Variants in CLDN10 observed in about 807,000 individuals in gnomAD.
CLDN10 encodes the protein claudin 10.
A neutral mutation model predicts 22.9 loss-of-function variants in CLDN10; 15 were observed. The ratio of observed to expected loss-of-function variants is 0.65; its 90% confidence interval spans 0.44 to 1.01. The LOEUF (loss-of-function observed/expected upper bound fraction) is 1.01. Ranked by LOEUF, CLDN10 falls within the 50% of genes least tolerant of loss-of-function variation. The probability of loss-of-function intolerance (pLI) is 0.00; values close to 1 mark genes in which losing one functional copy is unlikely to be tolerated. For synonymous variants in CLDN10, 114 were observed against 111.4 expected (o/e 1.02, Z -0.15); for missense variants, 247 against 287.8 (o/e 0.86, Z 1.03).
intron 1 of CLDN10, among the ~76,000 whole-genome samples, chr13:95,526,271 CTTTG>C (rs751839923): frequency 6.6e-5 from 10 of 151,926 alleles, no homozygotes; most frequent in African/African-American, 2.2e-4. Context: ...TTACAAGTTA[CTTTG>C]TTTGTTCATT....
intron 1 of CLDN10, among the ~76,000 whole-genome samples, chr13:95,488,171 G>C (rs1189887286): frequency 2.0e-5 from 3 of 149,060 alleles, no homozygotes. Flanking sequence ...TTTTAGTAGA[G>C]ACAGGGTTTT....
At chr13:95,448,567 C>T (rs1463041571) in intron 1 of CLDN10, among the ~76,000 whole-genome samples, 2 of 152,054 alleles carry the variant, frequency 1.3e-5, no homozygotes, top group African/African-American at 2.4e-5. Context: ...GGGATGGCTG[C>T]TTACCCACAC....
intron 1 of CLDN10, among the ~76,000 whole-genome samples, chr13:95,456,181 C>A (rs1284416215): frequency 6.6e-6 from 1 of 152,190 alleles, no homozygotes; most frequent in Non-Finnish European, 1.5e-5. Flanking sequence ...CTTTTAATTT[C>A]ATATCTTGTA....
At chr13:95,442,181 CAA>C (rs2042330700) in intron 1 of CLDN10, among the ~76,000 whole-genome samples, 1 of 152,130 alleles carries the variant, frequency 6.6e-6, no homozygotes, top group South Asian at 2.1e-4. Context: ...ATAACACAGG[CAA>C]AGTGTCTTAT....
rs150460161 is a variant in CLDN10, at chr13:95,532,514, G to A, written c.215-27618G>A. Reference sequence around the variant, plus strand: ...AACATCTAACGTTGGCAAGAATGTAGAGTACCTGCAAGTTTCACACATGGT... The same window carrying A: ...AACATCTAACGTTGGCAAGAATGTAAAGTACCTGCAAGTTTCACACATGGT... On this transcript the variant is annotated intron_variant, in intron 1 of 4. Transcript: ENST00000376873. Among the ~76,000 whole-genome samples the A allele has an allele frequency of 1.5e-3, 232 of 152,202 alleles. 1 individual carries two copies. Among genetic ancestry groups the A allele is most frequent in the South Asian group, 0.015 (71 of 4,816 alleles).
Position 95,446,791 on chromosome 13 carries a change from G to A in CLDN10, c.214+12744G>A, listed in dbSNP as rs571108341. 1.7e-3 allele frequency among the ~76,000 whole-genome samples: 258 copies of A among 152,028 alleles called. 2 individuals are homozygous for A. Among genetic ancestry groups the A allele is most frequent in the African/African-American group, 6.0e-3 (249 of 41,456 alleles). Reference sequence around the variant, plus strand: ...CAGGAGGTAGAGGTTGCAGTGAACCGAGATTGTGCCACTGCACTCCAGCCT... The same window carrying A: ...CAGGAGGTAGAGGTTGCAGTGAACCAAGATTGTGCCACTGCACTCCAGCCT... On this transcript the variant is annotated intron_variant, in intron 1 of 4. Transcript: ENST00000376873.
intron 1 of CLDN10, among the ~76,000 whole-genome samples, chr13:95,469,832 A>G (rs538317117): frequency 1.3e-5 from 2 of 152,336 alleles, no homozygotes; most frequent in African/African-American, 4.8e-5. Context: ...AGTATATAAC[A>G]AGACAGGCTT....
rs1302130442 is a variant in CLDN10, at chr13:95,553,643, C to T, written c.220+670C>T. Among the ~76,000 whole-genome samples the T allele has an allele frequency of 2.0e-5, 3 of 152,228 alleles. No individual in the cohort carries two copies. In the East Asian group the frequency reaches 5.8e-4, roughly 29 times the overall value. On this transcript the variant is annotated intron_variant, in intron 1 of 4. Coordinates refer to ENST00000299339, the MANE Select transcript of CLDN10 (RefSeq NM_006984.5). Reference sequence around the variant, plus strand: ...AGCCCTTGCGGTGCCGCGATGAGTCCGCAGAGGGTAGGGAATCTTGGGCCG... The same window carrying T: ...AGCCCTTGCGGTGCCGCGATGAGTCTGCAGAGGGTAGGGAATCTTGGGCCG...
intron 1 of CLDN10, among the ~76,000 whole-genome samples, chr13:95,540,861 C>T (rs1415263670): frequency 6.6e-6 from 1 of 152,174 alleles, no homozygotes; most frequent in East Asian, 1.9e-4. Context: ...TTTGCTTGAA[C>T]TAGAAGAGAT....
At chr13:95,476,279 T>C (rs960063274) in intron 1 of CLDN10, among the ~76,000 whole-genome samples, 3 of 152,274 alleles carry the variant, frequency 2.0e-5, no homozygotes, top group East Asian at 3.9e-4. Context: ...GGGTAACTCA[T>C]AGACAACAGA....
At chr13:95,491,156 A>G (rs538274982) in intron 1 of CLDN10, among the ~76,000 whole-genome samples, 124 of 152,322 alleles carry the variant, frequency 8.1e-4, no homozygotes, top group Non-Finnish European at 1.4e-3. Flanking sequence ...CTTATGTGTT[A>G]GGTGAGTCTT....
rs111673802 is a variant in CLDN10, at chr13:95,498,253, G to A, written c.215-61879G>A. On this transcript the variant is annotated intron_variant, in intron 1 of 4. Transcript: ENST00000376873. ...ATTGAATCCTCCAGGGATCCACAAC[G>A]CCAAACTCCAGATCCTCATTCCTTT... 5.5e-3 allele frequency among the ~76,000 whole-genome samples: 833 copies of A among 152,220 alleles called. 6 individuals are homozygous for A. Among genetic ancestry groups the A allele is most frequent in the Middle Eastern group, 0.017 (5 of 294 alleles).
intron 1 of CLDN10, among the ~76,000 whole-genome samples, chr13:95,435,652 A>G (rs1308698090): frequency 1.3e-5 from 2 of 152,174 alleles, no homozygotes; most frequent in African/African-American, 4.8e-5. Flanking sequence ...CCCTAGAAAC[A>G]GAGGAAAAGA....
chr13:95,560,008 CAT>C (rs2043684673), intron 1 of CLDN10, 122 bp from the exon 2 acceptor site: 3 of 920,610 alleles, frequency 3.3e-6, no homozygotes, highest in South Asian at 3.4e-5. Context: ...TGTCTTGCCA[CAT>C]GTTTTCACCA....
chr13:95,518,769 AT>A (rs2043196244), intron 1 of CLDN10, among the ~76,000 whole-genome samples: 1 of 146,040 alleles, frequency 6.8e-6, no homozygotes, highest in South Asian at 2.2e-4. Context: ...AAAAAAAAAA[AT>A]AAATAAATAT....
chr13:95,449,678 T>C (rs996792432), intron 1 of CLDN10, among the ~76,000 whole-genome samples: 1 of 151,998 alleles, frequency 6.6e-6, no homozygotes, highest in African/African-American at 2.4e-5. Flanking sequence ...GGAATCCTCC[T>C]ACTTTAGCCT....
chr13:95,565,087 A>T (rs896948481), intron 3 of CLDN10, among the ~76,000 whole-genome samples: 1 of 152,050 alleles, frequency 6.6e-6, no homozygotes, highest in South Asian at 2.1e-4. Flanking sequence ...GGCTGTGTCA[A>T]ACTAACTTCC....
chr13:95,477,655 C>T (rs1040794946), intron 1 of CLDN10, among the ~76,000 whole-genome samples: 2 of 152,140 alleles, frequency 1.3e-5, no homozygotes, highest in Non-Finnish European at 2.9e-5. Context: ...GGTGCACATG[C>T]GGAAACACAG....
intron 1 of CLDN10, among the ~76,000 whole-genome samples, chr13:95,478,551 A>G (rs2042707522): frequency 6.6e-6 from 1 of 152,220 alleles, no homozygotes; most frequent in African/African-American, 2.4e-5. Flanking sequence ...GAGCAAGACC[A>G]GGAGTGTGCA....
Sources: gnomAD v4.1 joint callset for allele counts (sites outside exome capture counted in the v4.1 genomes callset) on GRCh38, gnomAD v4.1.1 for gene constraint, MANE v1.5 for transcripts, NCBI Gene and HGNC (gene_info 2026-07-23, HGNC 2026-07-21) for gene names.